The following TASP1 variants were observed in gnomAD, a reference collection of about 807,000 sequenced individuals.
The protein encoded by TASP1 is taspase 1.
TASP1 carries 16 observed loss-of-function variants against 56.6 expected under a neutral mutation model. The ratio of observed to expected loss-of-function variants is 0.28; its 90% CI spans 0.19 to 0.43. The LOEUF is 0.43. Ranked by LOEUF, TASP1 falls within the 20% of genes least tolerant of loss-of-function variation. The pLI is 1.00. For synonymous variants in TASP1, 179 were observed against 184.2 expected (o/e 0.97, Z 0.23); for missense variants, 393 against 511.6 (o/e 0.77, Z 2.24).
chr20:13,118,958 A>T, the TASP1 span, among the ~76,000 whole-genome samples: 2 of 152,230 alleles, frequency 1.3e-5, no homozygotes, highest in Non-Finnish European at 2.9e-5. Flanking sequence ...TCGGGCTCAA[A>T]GCATTGTTTT....
At position 13,505,161 on chromosome 20, in the gene TASP1, G is replaced by A. The variant is rs138737487; in HGVS notation, c.875-21824C>T. Among the ~76,000 whole-genome samples, 56 of 152,178 alleles carry A rather than the reference G, an allele frequency of 3.7e-4. No homozygotes were observed. The East Asian group carries it at 0.01, about 28-fold the overall frequency. On this transcript the variant is annotated intron_variant, in intron 10 of 13. Coordinates refer to ENST00000337743, the MANE Select transcript of TASP1 (RefSeq NM_017714.3). ...CAAAGTAGACTTCAAGTCAAAAGGT[G>A]TAACAACAGATAAAGCAGGTCATTA...
At chr20:13,249,705 C>T in the TASP1 span, among the ~76,000 whole-genome samples, 9 of 152,190 alleles carry the variant, frequency 5.9e-5, no homozygotes, top group African/African-American at 1.9e-4. Context: ...CTTTGCCTTT[C>T]GGAACACACA....
chr20:13,462,118 TG>T (rs1347931789), intron 11 of TASP1, among the ~76,000 whole-genome samples: 1 of 152,172 alleles, frequency 6.6e-6, no homozygotes, highest in African/African-American at 2.4e-5. Context: ...TAAATCTCTC[TG>T]GTTAATCCAT....
chr20:13,329,696 T>C, the TASP1 span, among the ~76,000 whole-genome samples: 5 of 152,170 alleles, frequency 3.3e-5, no homozygotes, highest in Non-Finnish European at 7.3e-5. Flanking sequence ...ATTTTCTACA[T>C]AAACAATCAT....
rs762278017 is a variant in TASP1 at position 13,396,211 on chromosome 20, C to T, written c.1171-5759G>A. ...CTTTTCCCAGAAGTTCCCTACCCATCGCTTTTTAAGAGCTGTCTTTCAAAA... is the reference window on the plus strand; with the variant it reads ...CTTTTCCCAGAAGTTCCCTACCCATTGCTTTTTAAGAGCTGTCTTTCAAAA... On this transcript the variant is annotated intron_variant, in intron 13 of 13. Coordinates refer to ENST00000337743, the MANE Select transcript of TASP1 (RefSeq NM_017714.3). Among the ~76,000 whole-genome samples the T allele has an allele frequency of 2.0e-5, 3 of 152,152 alleles. No homozygotes were observed. The East Asian group carries it at 5.8e-4, about 29-fold the overall frequency.
At chr20:13,255,921 TG>T in the TASP1 span, among the ~76,000 whole-genome samples, 9 of 126,568 alleles carry the variant, frequency 7.1e-5, no homozygotes, top group African/African-American at 1.3e-4. Flanking sequence ...GTAAAGTTCC[TG>T]GGGTTTTTTT....
intron 8 of TASP1, among the ~76,000 whole-genome samples, chr20:13,548,153 T>C (rs148691097): frequency 0.011 from 1,703 of 152,220 alleles, 41 homozygotes; most frequent in African/African-American, 0.038. Flanking sequence ...GGGGACTCTG[T>C]TGGGGAGCCT....
chr20:13,350,132 C>CA, the TASP1 span, among the ~76,000 whole-genome samples: 7 of 151,314 alleles, frequency 4.6e-5, no homozygotes, highest in East Asian at 9.7e-4. Flanking sequence ...AGTCCTGTCT[C>CA]AAAAAAACAA....
chr20:13,353,185 A>G, the TASP1 span, among the ~76,000 whole-genome samples: 3 of 151,352 alleles, frequency 2.0e-5, no homozygotes, highest in Middle Eastern at 3.5e-3. Context: ...GCAGTGAGCT[A>G]TGATGGCACT....
the TASP1 span, among the ~76,000 whole-genome samples, chr20:13,153,609 C>T: frequency 6.6e-6 from 1 of 152,152 alleles, no homozygotes; most frequent in African/African-American, 2.4e-5. Flanking sequence ...CTACCAATAT[C>T]TGCTATGAAG....
At chr20:13,356,845 A>G in the TASP1 span, among the ~76,000 whole-genome samples, 2 of 152,182 alleles carry the variant, frequency 1.3e-5, no homozygotes, top group Admixed American at 6.5e-5. Context: ...CCCTCATGGC[A>G]GTAAGTAATA....
intron 8 of TASP1, among the ~76,000 whole-genome samples, chr20:13,545,645 AT>A (rs34590652): frequency 7.9e-5 from 12 of 151,408 alleles, no homozygotes; most frequent in Admixed American, 4.6e-4. Context: ...GGTGTTACAC[AT>A]TTTTTTTTAA....
the TASP1 span, among the ~76,000 whole-genome samples, chr20:13,214,519 G>GCACACACA: frequency 8.7e-4 from 101 of 115,788 alleles, no homozygotes; most frequent in Middle Eastern, 4.4e-3. Context: ...ACAGAGACAG[G>GCACACACA]CACACACACA....
At chr20:13,207,460 A>G in the TASP1 span, among the ~76,000 whole-genome samples, 2 of 152,182 alleles carry the variant, frequency 1.3e-5, no homozygotes, top group South Asian at 4.1e-4. Context: ...ACAGACATAG[A>G]TGTGAAACTT....
At chr20:13,380,237 T>G in the TASP1 span, among the ~76,000 whole-genome samples, 1 of 152,252 alleles carries the variant, frequency 6.6e-6, no homozygotes, top group South Asian at 2.1e-4. Flanking sequence ...TTGATGTTGG[T>G]GACCTTCACA....
chr20:13,302,054 G>A, the TASP1 span, among the ~76,000 whole-genome samples: 760 of 152,240 alleles, frequency 5.0e-3, 8 homozygotes, highest in African/African-American at 0.017. Flanking sequence ...TCTGAAAACC[G>A]GGAGTTTAAG....
chr20:13,276,430 G>T, the TASP1 span, among the ~76,000 whole-genome samples: 1 of 152,170 alleles, frequency 6.6e-6, no homozygotes, highest in Non-Finnish European at 1.5e-5. Flanking sequence ...AAGGTGCATT[G>T]GAACTTTTCC....
At chr20:13,432,183 T>A (rs1460980752) in intron 12 of TASP1, among the ~76,000 whole-genome samples, 1 of 152,132 alleles carries the variant, frequency 6.6e-6, no homozygotes, top group Non-Finnish European at 1.5e-5. Flanking sequence ...TACAATAAAA[T>A]TAAACATATT....
At chr20:13,200,480 T>G in the TASP1 span, among the ~76,000 whole-genome samples, 1 of 152,284 alleles carries the variant, frequency 6.6e-6, no homozygotes, top group East Asian at 1.9e-4. Context: ...CCAACTCACC[T>G]TCTAGTGAAG....
Sources: allele counts gnomAD v4.1 joint callset (sites outside exome capture counted in the v4.1 genomes callset), GRCh38; gene constraint gnomAD v4.1.1; transcripts MANE v1.5; gene names NCBI Gene and HGNC (gene_info 2026-07-23, HGNC 2026-07-21).